Variants in RRP12 observed in about 807,000 individuals in gnomAD.
RRP12 encodes RRP12-like protein.
Under a neutral mutation model 157.3 loss-of-function variants are expected in RRP12, and 78 were observed. The observed-to-expected ratio is 0.50, with a 90% CI of 0.41 to 0.60. The LOEUF (loss-of-function observed/expected upper bound fraction) is 0.60, where lower values mean the gene tolerates loss of function less well. Ranked by LOEUF, RRP12 falls within the 20% of genes least tolerant of loss-of-function variation. RRP12 has a pLI of 0.00. For missense variants in RRP12, 1,521 were observed against 1,679.9 expected, an observed-to-expected ratio of 0.91 and a Z score of 1.65; for synonymous variants, 726 against 670.9, an observed-to-expected ratio of 1.08 and a Z score of -1.27.
At chr10:97,388,696 C>A in intron 6 of RRP12, 72 bp from the exon 7 acceptor site, 1 of 1,571,616 alleles carries the variant, frequency 6.4e-7, no homozygotes, top group South Asian at 1.2e-5. Context: ...CCGGCACAAG[C>A]ACCAACCAAT....
rs373977230 is a variant in RRP12 at position 97,381,456 on chromosome 10, G to A, written c.1348C>T (p.His450Tyr). 8.7e-6 allele frequency: 14 copies of A among 1,612,760 alleles called. No individual in the cohort carries two copies. In the African/African-American group the frequency reaches 1.7e-4, roughly 20 times the overall value. The change falls in exon 12 of 34, where the codon CAC becomes TAC. Residue 450 changes from histidine to tyrosine, a missense_variant. By Grantham distance (83) the His-to-Tyr change is moderately conservative. Transcript: ENST00000370992. ...KEILKECVAP[H>Y]MADIGSVTSS... ...GTCACGGAGCCAATGTCAGCCATGT[G>A]GGGAGCCACGCATTCCTTCAGGATC... is the stretch of plus-strand genomic sequence containing the variant.
rs1338927274 is a variant in RRP12 at position 97,385,942 on chromosome 10, G to A, written c.1069C>T (p.Pro357Ser). The A allele has an allele frequency of 6.2e-7, 1 of 1,607,112 alleles. No homozygotes were observed. The highest frequency in any genetic ancestry group is 1.1e-5 in the South Asian group (1 of 89,350). Residue 357 changes from proline (P) to serine (S), a missense_variant, in exon 9 of 34, where the codon CCT becomes TCT. Transcript: ENST00000370992. The stretch of plus-strand genomic sequence containing the variant: ...TCTGCTGACAGGGTGCTCAGGCCAG[G>A]CCTGGCGTGGAAGAGGCTGTGAAAG... ...QAFHSLFHARPGLSTLSAELN... is the reference protein window; with the variant it reads ...QAFHSLFHARSGLSTLSAELN...
At chr10:97,384,313 G>A (rs1382161083) in intron 10 of RRP12, among the ~76,000 whole-genome samples, 3 of 151,158 alleles carry the variant, frequency 2.0e-5, no homozygotes, top group South Asian at 2.1e-4. Flanking sequence ...CAGCCAGGAC[G>A]GAGGCCCTGA....
chr10:97,367,666 T>C (rs747432375), intron 25 of RRP12, among the ~76,000 whole-genome samples: 2 of 152,168 alleles, frequency 1.3e-5, no homozygotes, highest in East Asian at 1.9e-4. Flanking sequence ...CAGTTTGGGT[T>C]ACATGTGCAG....
chr10:97,363,852 AC>A lies in RRP12; in HGVS notation c.3567+1del. ...AGCCCCCCATCTGCAGGAACTACTCACATTCCTGATGATCACATCTTCCATT... is the reference window on the plus strand; with the variant it reads ...AGCCCCCCATCTGCAGGAACTACTCAATTCCTGATGATCACATCTTCCATT... On this transcript the variant is annotated splice_donor_variant, in intron 30 of 33. Transcript: ENST00000370992. LOFTEE classifies it high-confidence loss of function. 1 of 1,613,162 alleles carries A rather than the reference AC, an allele frequency of 6.2e-7. No individual in the cohort carries two copies. The highest frequency in any genetic ancestry group is 8.5e-7 in the Non-Finnish European group (1 of 1,179,192).
At chr10:97,358,684 C>T in intron 32 of RRP12, 65 bp from the exon 33 acceptor site, 2 of 1,231,604 alleles carry the variant, frequency 1.6e-6, no homozygotes, top group Non-Finnish European at 2.4e-6. Context: ...CTGCCCTAGA[C>T]TTGACAGGCC....
At chr10:97,369,740 C>A (rs950680259) in intron 24 of RRP12, among the ~76,000 whole-genome samples, 158 bp from the exon 25 acceptor site, 1 of 152,218 alleles carries the variant, frequency 6.6e-6, no homozygotes, top group East Asian at 1.9e-4. Context: ...ATGGAGTGGT[C>A]TTGGGTCCTT....
intron 13 of RRP12, 33 bp from the exon 14 acceptor site, chr10:97,379,803 C>T: frequency 6.4e-7 from 1 of 1,567,404 alleles, no homozygotes; most frequent in Non-Finnish European, 8.6e-7. Context: ...CACATCAAGA[C>T]ATGCTCGAAA....
Position 97,392,191 on chromosome 10 carries a change from C to T in RRP12, c.531-1347G>A, listed in dbSNP as rs532840865. ...TTTGCCATGTTGCCCAGGCTGGTTT[C>T]GAACTCCTGGGCTCAACAGTCCACC... On this transcript the variant is annotated intron_variant, in intron 4 of 33. Coordinates refer to ENST00000370992, the MANE Select transcript of RRP12 (RefSeq NM_015179.4). 6.7e-4 allele frequency among the ~76,000 whole-genome samples: 101 copies of T among 151,844 alleles called. 2 individuals are homozygous for T. Among genetic ancestry groups the T allele is most frequent in the African/African-American group, 2.4e-3 (98 of 41,396 alleles).
At chr10:97,376,129 G>A (rs938721765) in intron 15 of RRP12, among the ~76,000 whole-genome samples, 1 of 145,592 alleles carries the variant, frequency 6.9e-6, no homozygotes, top group Non-Finnish European at 1.5e-5. Flanking sequence ...CAAACAAACC[G>A]ACCCAAACAA....
chr10:97,377,508 G>A (rs780930596), intron 15 of RRP12, among the ~76,000 whole-genome samples: 6 of 152,068 alleles, frequency 3.9e-5, no homozygotes, highest in Admixed American at 1.3e-4. Flanking sequence ...CAGCCTGGGT[G>A]ACAGAACAAG....
At chr10:97,388,211 C>T (rs1322439127) in intron 8 of RRP12, 41 bp downstream of exon 8, 5 of 1,612,400 alleles carry the variant, frequency 3.1e-6, no homozygotes, top group Admixed American at 1.7e-5. Flanking sequence ...AATGCCACCA[C>T]TGCAGGTCCC....
rs945215395 is a variant in RRP12 at position 97,400,277 on chromosome 10, C to G, written c.369+28G>C. 6 of 1,568,110 alleles carry G rather than the reference C, an allele frequency of 3.8e-6. No homozygotes were observed. The African/African-American group carries it at 8.1e-5, about 21-fold the overall frequency. On this transcript the variant is annotated intron_variant, in intron 2 of 33. Coordinates refer to ENST00000370992, the MANE Select transcript of RRP12 (RefSeq NM_015179.4). ...CATGAGTTGGCCTCTCCTCACTATC[C>G]TATGGCCCTCCCGACCCTCGCCCCT...
At position 97,373,531 on chromosome 10, in the gene RRP12, C is replaced by T. The variant is rs761029303; in HGVS notation, c.2026+44G>A. On this transcript the variant is annotated intron_variant, in intron 17 of 33. Transcript: ENST00000370992. ...CAAGCCAGGGGATGGGGCCAGGGAC[C>T]TGTGTCATCCTCCCCAGCCCCCACT... 8 of 1,541,850 alleles carry T rather than the reference C, an allele frequency of 5.2e-6. No individual in the cohort carries two copies. The South Asian group carries it at 9.7e-5, about 19-fold the overall frequency.
At chr10:97,386,918 AG>A (rs1222665628) in intron 8 of RRP12, among the ~76,000 whole-genome samples, 4 of 152,050 alleles carry the variant, frequency 2.6e-5, no homozygotes, top group Non-Finnish European at 5.9e-5. Flanking sequence ...TGAACCCGGA[AG>A]GCGGAGTTTG....
At chr10:97,367,226 C>A in intron 25 of RRP12, 94 bp from the exon 26 acceptor site, 1 of 1,091,222 alleles carries the variant, frequency 9.2e-7, no homozygotes, top group Non-Finnish European at 1.4e-6. Context: ...CATGATCAAG[C>A]CCAGCTGAGG....
At chr10:97,399,972 G>A (rs1232782426) in intron 2 of RRP12, among the ~76,000 whole-genome samples, 1 of 152,070 alleles carries the variant, frequency 6.6e-6, no homozygotes, top group African/African-American at 2.4e-5. Flanking sequence ...GTTCTTGCTA[G>A]ATAAAACGTT....
chr10:97,359,625 T>C (rs115757814), intron 31 of RRP12, among the ~76,000 whole-genome samples: 256 of 152,334 alleles, frequency 1.7e-3, no homozygotes, highest in African/African-American at 6.0e-3. Flanking sequence ...AGGAGGACTC[T>C]CTGAGACGAC....
At chr10:97,359,081 C>T in intron 31 of RRP12, 71 bp from the exon 32 acceptor site, 1 of 1,195,814 alleles carries the variant, frequency 8.4e-7, no homozygotes, top group Non-Finnish European at 1.2e-6. Flanking sequence ...CAATGGGCAC[C>T]CTCTCTGAGA....
Sources: allele counts gnomAD v4.1 joint callset (sites outside exome capture counted in the v4.1 genomes callset), GRCh38; gene constraint gnomAD v4.1.1; transcripts MANE v1.5; gene names NCBI Gene and HGNC (gene_info 2026-07-23, HGNC 2026-07-21).